Variants in BSG observed in about 807,000 individuals in gnomAD.
BSG encodes basigin.
BSG carries 37 observed loss-of-function variants against 43.1 expected under a neutral mutation model. The observed-to-expected ratio is 0.86, with a 90% CI of 0.66 to 1.13. BSG has a LOEUF of 1.13. BSG is among the 50% of genes most tolerant of loss of function. The pLI is 0.00. For missense variants in BSG, 599 were observed against 554.2 expected (o/e 1.08, Z -0.81); for synonymous variants, 309 against 238.7 (o/e 1.29, Z -2.72).
upstream of BSG, chr19:572,094 T>C (rs1981287592): frequency 6.6e-6 from 1 of 151,862 alleles, no homozygotes; most frequent in Non-Finnish European, 1.5e-5. Context: ...TTCATATATA[T>C]ATATATATAT....
intron 1 of BSG, among the ~76,000 whole-genome samples, chr19:576,626 T>C (rs1981793452): frequency 6.6e-6 from 1 of 152,000 alleles, no homozygotes; most frequent in Non-Finnish European, 1.5e-5. Flanking sequence ...CTGAGTGTGG[T>C]GGCAGGCACC....
At chr19:572,997 G>A (rs1205204164) in intron 1 of BSG, among the ~76,000 whole-genome samples, 1 of 152,180 alleles carries the variant, frequency 6.6e-6, no homozygotes, top group Non-Finnish European at 1.5e-5. Context: ...CGGGAGCCAG[G>A]GGGTCCTGGC....
chr19:577,698 G>A lies in BSG; in HGVS notation c.68-76G>A, dbSNP rs964764726. ...ACCAGCCCTGGCTGGGAGTCCTGTG[G>A]GCGAGGCCTTCCCCAGGAGCTGCCC... On this transcript the variant is annotated intron_variant, in intron 1 of 8. Transcript: ENST00000333511. 4 of 1,239,610 alleles carry A rather than the reference G, an allele frequency of 3.2e-6. No homozygotes were observed. The African/African-American group carries it at 4.6e-5, about 14-fold the overall frequency. The allele number at this position is 1,239,610 out of a possible 1,614,324, so 76.8% of individuals were successfully genotyped here.
chr19:576,702 G>A (rs1051886393), intron 1 of BSG, among the ~76,000 whole-genome samples: 11 of 151,864 alleles, frequency 7.2e-5, no homozygotes, highest in African/African-American at 2.4e-4. Flanking sequence ...CAGAGGTTGC[G>A]GTGAGCTGAG....
intron 3 of BSG, chr19:580,075 C>T (rs933133381): frequency 2.3e-6 from 1 of 444,192 alleles, no homozygotes; most frequent in Non-Finnish European, 4.1e-6. Flanking sequence ...GAGCACAGAG[C>T]CTTTTGTTTT....
upstream of BSG, chr19:571,492 T>TG (rs1294343848): frequency 1.3e-6 from 1 of 778,272 alleles, no homozygotes; most frequent in Non-Finnish European, 2.4e-6. Context: ...GCTGAGAGTC[T>TG]GGGTTTACGC....
upstream of BSG, chr19:571,375 A>G: frequency 1.6e-6 from 1 of 613,190 alleles, no homozygotes; most frequent in African/African-American, 1.8e-5. Context: ...TTTAACTTCC[A>G]ACACACACTT....
At chr19:581,707 G>GA (rs1982340942) in intron 6 of BSG, 116 bp downstream of exon 6, 1 of 1,354,314 alleles carries the variant, frequency 7.4e-7, no homozygotes, top group South Asian at 1.5e-5. Flanking sequence ...AGGAGCCCCA[G>GA]GCAGGGAGTT....
At chr19:573,118 G>A (rs991342148) in intron 1 of BSG, among the ~76,000 whole-genome samples, 1 of 152,156 alleles carries the variant, frequency 6.6e-6, no homozygotes, top group Non-Finnish European at 1.5e-5. Context: ...GAGGTGGCCC[G>A]CCCGCCGGTC....
intron 2 of BSG, 143 bp from the exon 3 acceptor site, chr19:579,357 T>C: frequency 8.6e-7 from 1 of 1,157,622 alleles, no homozygotes; most frequent in East Asian, 2.6e-5. Flanking sequence ...GGGCCTCCGG[T>C]CCTCGGGGCG....
chr19:571,841 A>G, upstream of BSG: 1 of 525,946 alleles, frequency 1.9e-6, no homozygotes, highest in East Asian at 3.2e-5. Context: ...CTAAAACTTA[A>G]AACTTTTTTA....
rs1205022406 is a variant in BSG, at chr19:583,098, G to T, written c.*354G>T. The stretch of plus-strand genomic sequence containing the variant: ...CTTTGTGGAAAGTCACAGGTCACAC[G>T]AGGGGCCCCGTGTCCTGCCTGTCTG... On this transcript the variant is annotated 3_prime_UTR_variant, in exon 9 of 9. Coordinates refer to ENST00000333511, the MANE Select transcript of BSG (RefSeq NM_001728.4). The T allele has an allele frequency of 3.8e-5, 6 of 159,894 alleles. No individual in the cohort carries two copies. The South Asian group carries it at 1.0e-3, about 28-fold the overall frequency. The allele number at this position is 159,894 out of a possible 1,614,324, so 9.9% of individuals were successfully genotyped here. A position where few individuals can be genotyped will look rare whatever the true frequency, so the allele number is the denominator to read the frequency against.
intron 1 of BSG, among the ~76,000 whole-genome samples, chr19:576,057 C>A (rs546427899): frequency 1.3e-5 from 2 of 152,240 alleles, no homozygotes; most frequent in Non-Finnish European, 2.9e-5. Flanking sequence ...CGATGCTGCC[C>A]GCTGAGAAGC....
At position 580,750 on chromosome 19, in the gene BSG, G is replaced by A. The variant is rs199564958; in HGVS notation, c.760G>A (p.Ala254Thr). Residue 254 changes from alanine (A) to threonine (T), a missense_variant, in exon 5 of 9, where the codon GCC (alanine) becomes ACC (threonine). Ala to Thr is a moderately conservative substitution (Grantham distance 58, BLOSUM62 0). Transcript: ENST00000333511. Reference protein sequence around the residue: ...SESVPPVTDWAWYKITDSEDK... With the variant: ...SESVPPVTDWTWYKITDSEDK... ...GTCCGTGCCACCTGTCACTGACTGG[G>A]CCTGGTACAAGATCACTGACTCTGA... 45 of 1,612,218 alleles carry A rather than the reference G, an allele frequency of 2.8e-5. No homozygotes were observed. Among genetic ancestry groups the A allele is most frequent in the Non-Finnish European group, 2.5e-6 (3 of 1,179,906 alleles).
At chr19:579,278 T>A (rs781484303) in intron 2 of BSG, 47 of 623,372 alleles carry the variant, frequency 7.5e-5, no homozygotes, top group Non-Finnish European at 1.4e-5. Context: ...GGGGGTGCCT[T>A]CCCGAAGGGG....
In BSG at chr19:581,482, C is replaced by A; in HGVS notation, c.960C>A (p.Ser320Arg). Residue 320 changes from serine (S) to arginine (R), a missense_variant, in exon 6 of 9, where the codon AGC (serine) becomes AGA (arginine). By Grantham distance (110) the Ser-to-Arg change is moderately radical. Transcript: ENST00000333511. ...CCATCATCACGCTCCGCGTGCGCAG[C>A]CACCTGGCCGCCCTCTGGCCCTTCC... ...DQAIITLRVR[S>R]HLAALWPFLG... 6.2e-7 allele frequency: 1 copy of A among 1,604,764 alleles called. No individual in the cohort carries two copies. The highest frequency in any genetic ancestry group is 1.7e-5 in the Admixed American group (1 of 58,542).
upstream of BSG, chr19:572,230 C>T (rs895348165): frequency 3.3e-5 from 9 of 272,620 alleles, no homozygotes; most frequent in Non-Finnish European, 5.1e-5. Context: ...TGAGCCACAG[C>T]GGCCGGCCCG....
At position 572,624 on chromosome 19, in the gene BSG, G is replaced by C; in HGVS notation, c.-11G>C. 2 of 1,500,278 alleles carry C rather than the reference G, an allele frequency of 1.3e-6. No homozygotes were observed. Among genetic ancestry groups the C allele is most frequent in the Non-Finnish European group, 1.8e-6 (2 of 1,122,648 alleles). 92.9% of individuals were successfully genotyped at this position (1,500,278 alleles called of 1,614,324 possible). On this transcript the variant is annotated 5_prime_UTR_variant, in exon 1 of 9. Coordinates refer to ENST00000333511, the MANE Select transcript of BSG (RefSeq NM_001728.4). ...GGTTGGAGGTTGTAGGACCGGCGAG[G>C]AATAGGAATCATGGCGGCTGCGCTG...
intron 6 of BSG, 85 bp downstream of exon 6, chr19:581,676 C>G: frequency 1.4e-6 from 2 of 1,451,078 alleles, no homozygotes; most frequent in South Asian, 2.8e-5. Flanking sequence ...AGCCCCACCG[C>G]TGACCCAGAG....
Sources: gnomAD v4.1 joint callset for allele counts (sites outside exome capture counted in the v4.1 genomes callset) on GRCh38, gnomAD v4.1.1 for gene constraint, MANE v1.5 for transcripts, NCBI Gene and HGNC (gene_info 2026-07-23, HGNC 2026-07-21) for gene names.